TAB1: variants seen among roughly 807,000 people sequenced by gnomAD.
TAB1 encodes TGF-beta-activated kinase 1 and MAP3K7-binding protein 1.
Under a neutral mutation model 54.5 loss-of-function variants are expected in TAB1, and 30 were observed. That is an observed-to-expected ratio of 0.55 (90% CI 0.41 to 0.75). The LOEUF is 0.75. Ranked by LOEUF, TAB1 falls within the 30% of genes least tolerant of loss-of-function variation. The pLI is 0.00. For missense variants in TAB1, 609 were observed against 683.2 expected (o/e 0.89, Z 1.21); for synonymous variants, 289 against 286.9 (o/e 1.01, Z -0.07).
rs368604116 is a variant in TAB1, at chr22:39,419,504, T to C, written c.665-15T>C. The C allele has an allele frequency of 5.0e-6, 8 of 1,584,730 alleles. No individual in the cohort carries two copies. In the East Asian group the frequency reaches 1.6e-4, roughly 31 times the overall value. On this transcript the variant is annotated splice_polypyrimidine_tract_variant and intron_variant, in intron 6 of 10. Coordinates refer to ENST00000216160, the MANE Select transcript of TAB1 (RefSeq NM_006116.3). ...TGAACAAGAAGCAGGATTGTTGCAC[T>C]GTTTCCCTCCGTAGGCTTGGATGCT...
At chr22:39,399,872 G>A in intron 1 of TAB1, 37 bp downstream of exon 1, 1 of 1,576,730 alleles carries the variant, frequency 6.3e-7, no homozygotes, top group South Asian at 1.2e-5. Context: ...TTGGGGTTGG[G>A]AGCCTGGGCG....
intron 1 of TAB1, among the ~76,000 whole-genome samples, chr22:39,411,577 A>G (rs1483352227): frequency 6.6e-6 from 1 of 152,204 alleles, no homozygotes; most frequent in African/African-American, 2.4e-5. Context: ...ATTCAGAAAA[A>G]GACAATACCA....
At chr22:39,410,265 G>A (rs1048257009) in intron 1 of TAB1, among the ~76,000 whole-genome samples, 23 of 152,092 alleles carry the variant, frequency 1.5e-4, no homozygotes, top group African/African-American at 5.6e-4. Flanking sequence ...GCACCACCAC[G>A]CCTGGCTAAT....
At chr22:39,408,382 C>T (rs766635925) in intron 1 of TAB1, among the ~76,000 whole-genome samples, 6 of 152,224 alleles carry the variant, frequency 3.9e-5, no homozygotes, top group South Asian at 4.1e-4. Context: ...TGTTGTGAAA[C>T]GCTCTCAGAT....
downstream of TAB1, chr22:39,436,456 T>C: frequency 3.8e-6 from 6 of 1,565,030 alleles, no homozygotes; most frequent in Non-Finnish European, 5.3e-6. Context: ...TGGACTTTTC[T>C]TCATGTGTCA....
Position 39,428,014 on chromosome 22 carries a change from C to G in TAB1, c.1145-7C>G. 6.3e-7 allele frequency: 1 copy of G among 1,580,176 alleles called. No homozygotes were observed. The highest frequency in any genetic ancestry group is 8.7e-7 in the Non-Finnish European group (1 of 1,155,726). ...TGCCTGAGGCCCCCACTCTCTTCCT[C>G]CCAAAGCTGCAGGAGGACGAGTGTA... On this transcript the variant is annotated splice_polypyrimidine_tract_variant and splice_region_variant and intron_variant, in intron 9 of 10. Transcript: ENST00000216160.
At chr22:39,418,049 G>A (rs937851215) in intron 5 of TAB1, among the ~76,000 whole-genome samples, 200 bp downstream of exon 5, 2 of 152,268 alleles carry the variant, frequency 1.3e-5, no homozygotes, top group Non-Finnish European at 2.9e-5. Context: ...GGAGACAGGT[G>A]TCCTGGCCTT....
intron 1 of TAB1, among the ~76,000 whole-genome samples, chr22:39,413,967 A>C (rs1926718267): frequency 6.6e-6 from 1 of 152,156 alleles, no homozygotes; most frequent in Non-Finnish European, 1.5e-5. Flanking sequence ...AGATCTGGGA[A>C]ATTCAGAAAT....
chr22:39,414,352 A>G lies in TAB1; in HGVS notation c.34-654A>G, dbSNP rs148846072. 2.0e-5 allele frequency among the ~76,000 whole-genome samples: 3 copies of G among 152,300 alleles called. No individual in the cohort carries two copies. The East Asian group carries it at 5.8e-4, about 29-fold the overall frequency. On this transcript the variant is annotated intron_variant, in intron 1 of 10. Coordinates refer to ENST00000216160, the MANE Select transcript of TAB1 (RefSeq NM_006116.3). ...TGTGGCAGGGGAGATGGGAGAGGAC[A>G]TCGGGGTGGCATGAGGATGTCCTAT... is the stretch of plus-strand genomic sequence containing the variant.
At chr22:39,435,651 G>T (rs1323788742), downstream of TAB1, among the ~76,000 whole-genome samples, 1 of 152,194 alleles carries the variant, frequency 6.6e-6, no homozygotes. Flanking sequence ...CTCCCTGTGG[G>T]TGGTGGGCCC....
chr22:39,432,429 A>G (rs1927621498), downstream of TAB1: 1 of 152,284 alleles, frequency 6.6e-6, no homozygotes, highest in Admixed American at 6.5e-5. Flanking sequence ...AGAAACCGAA[A>G]CAGTGCATCT....
chr22:39,430,949 G>T lies in TAB1; in HGVS notation c.*727G>T. 1 of 986,908 alleles carries T rather than the reference G, an allele frequency of 1.0e-6. No homozygotes were observed. Among genetic ancestry groups the T allele is most frequent in the Admixed American group, 6.0e-5 (1 of 16,530 alleles). The allele number at this position is 986,908 out of a possible 1,614,324, so 61.1% of individuals were successfully genotyped here. A position where few individuals can be genotyped will look rare whatever the true frequency, so the allele number is the denominator to read the frequency against. ...TGCGGGAGAGGTGAGGACTGGCCCC[G>T]GTGGGCTGAGGCAGGGGCCGCTGTC... On this transcript the variant is annotated 3_prime_UTR_variant, in exon 11 of 11. Coordinates refer to ENST00000216160, the MANE Select transcript of TAB1 (RefSeq NM_006116.3).
Position 39,421,824 on chromosome 22 carries a change from T to A in TAB1, c.777-3T>A. 2 of 1,614,006 alleles carry A rather than the reference T, an allele frequency of 1.2e-6. No individual in the cohort carries two copies. The highest frequency in any genetic ancestry group is 1.7e-6 in the Non-Finnish European group (2 of 1,179,954). ...AGCTCTTCCTTCCACTCTCTCCCCA[T>A]AGCGCTGCCAAGTCCAAACCAATCA... On this transcript the variant is annotated splice_region_variant and splice_polypyrimidine_tract_variant and intron_variant, in intron 7 of 10. Coordinates refer to ENST00000216160, the MANE Select transcript of TAB1 (RefSeq NM_006116.3).
At chr22:39,403,190 A>G (rs1926219552) in intron 1 of TAB1, among the ~76,000 whole-genome samples, 1 of 152,242 alleles carries the variant, frequency 6.6e-6, no homozygotes, top group South Asian at 2.1e-4. Flanking sequence ...CTGATGGTCT[A>G]GTAAAGGGGA....
At position 39,431,106 on chromosome 22, in the gene TAB1, A is replaced by T; in HGVS notation, c.*884A>T. 4 of 985,824 alleles carry T rather than the reference A, an allele frequency of 4.1e-6. No individual in the cohort carries two copies. The highest frequency in any genetic ancestry group is 4.8e-6 in the Non-Finnish European group (4 of 830,208). 61.1% of individuals were successfully genotyped at this position (985,824 alleles called of 1,614,324 possible). On this transcript the variant is annotated 3_prime_UTR_variant, in exon 11 of 11. Coordinates refer to ENST00000216160, the MANE Select transcript of TAB1 (RefSeq NM_006116.3). ...TGAGGGGCCTCTGCCGGCTGAGGGT[A>T]GCAAGCAGGGGTTGTGAGTCAGGCT... is the stretch of plus-strand genomic sequence containing the variant.
rs534367579 is a variant in TAB1, at chr22:39,415,806, C to G, written c.324+153C>G. Among the ~76,000 whole-genome samples the G allele has an allele frequency of 6.6e-6, 1 of 152,286 alleles. No homozygotes were observed. Among genetic ancestry groups the G allele is most frequent in the African/African-American group, 2.4e-5 (1 of 41,558 alleles). On this transcript the variant is annotated intron_variant, in intron 3 of 10. Coordinates refer to ENST00000216160, the MANE Select transcript of TAB1 (RefSeq NM_006116.3). The surrounding 1 kb of genome is among the most constrained non-coding windows in gnomAD (Gnocchi z 4.9). The stretch of plus-strand genomic sequence containing the variant: ...GGAGCAGCTCCCAGCGTAGGCCCCC[C>G]CACCCAACAGGAGTCCAGGACCAGC...
intron 8 of TAB1, among the ~76,000 whole-genome samples, chr22:39,426,074 G>A (rs1249162811): frequency 6.6e-6 from 1 of 152,008 alleles, no homozygotes. Context: ...GGCCAAGCTG[G>A]TCTCGATCTC....
downstream of TAB1, chr22:39,433,154 T>A (rs1403072052): frequency 1.0e-6 from 1 of 985,174 alleles, no homozygotes; most frequent in Non-Finnish European, 1.2e-6. Context: ...ACTCATTCCT[T>A]AAAGACATCA....
intron 1 of TAB1, among the ~76,000 whole-genome samples, chr22:39,403,204 A>T (rs1313649960): frequency 2.6e-5 from 4 of 152,256 alleles, no homozygotes; most frequent in Admixed American, 2.6e-4. Context: ...AAGGGGACAG[A>T]CAGTGAGCAC....
Sources: allele counts gnomAD v4.1 joint callset (sites outside exome capture counted in the v4.1 genomes callset), GRCh38; gene constraint gnomAD v4.1.1; non-coding constraint Gnocchi (gnomAD v3.1); transcripts MANE v1.5; gene names NCBI Gene and HGNC (gene_info 2026-07-23, HGNC 2026-07-21).